NOMO1: variants seen among roughly 807,000 people sequenced by gnomAD.
NOMO1 encodes nodal modulator 3.
Under a neutral mutation model 133.8 loss-of-function variants are expected in NOMO1, and 40 were observed. The observed-to-expected ratio is 0.30, with a 90% CI of 0.23 to 0.39. The LOEUF (loss-of-function observed/expected upper bound fraction) is 0.39, where lower values mean the gene tolerates loss of function less well. NOMO1 is among the 10% of genes least tolerant of loss of function. NOMO1 has a pLI of 1.00. For missense variants in NOMO1, 462 were observed against 1,419.9 expected (o/e 0.33, Z 10.84); for synonymous variants, 236 against 570.5 (o/e 0.41, Z 8.36).
chr16:14,874,068 G>C (rs561549674), intron 18 of NOMO1, among the ~76,000 whole-genome samples: 69 of 34,928 alleles, frequency 2.0e-3, no homozygotes, highest in Admixed American at 6.2e-3. Context: ...TCCCAGCTGG[G>C]CTTCGCTTCT....
intron 12 of NOMO1, among the ~76,000 whole-genome samples, 181 bp from the exon 13 acceptor site, chr16:14,864,404 T>C (rs543359272): frequency 0.018 from 2,685 of 151,654 alleles, 93 homozygotes; most frequent in African/African-American, 0.062. Flanking sequence ...TGGGTAGAAC[T>C]GTGCTTACTT....
chr16:14,866,021 G>C (rs1157276216), intron 14 of NOMO1, among the ~76,000 whole-genome samples: 1 of 142,270 alleles, frequency 7.0e-6, no homozygotes, highest in African/African-American at 2.7e-5. Context: ...GGCCCCATTA[G>C]ATTTCTTTCT....
At chr16:14,892,802 C>T (rs1163696444) in intron 29 of NOMO1, among the ~76,000 whole-genome samples, 1 of 149,810 alleles carries the variant, frequency 6.7e-6, no homozygotes, top group Non-Finnish European at 1.5e-5. Flanking sequence ...GAGTCACTTA[C>T]TGAGTGTTAG....
intron 15 of NOMO1, among the ~76,000 whole-genome samples, chr16:14,868,010 C>A (rs1195602741): frequency 8.7e-4 from 83 of 95,660 alleles, no homozygotes; most frequent in Non-Finnish European, 1.6e-3. Context: ...AGCTCACTCC[C>A]TCCTCGGGGC....
rs560312223 is a variant in NOMO1 at position 14,884,757 on chromosome 16, G to A, written c.3222+275G>A. ...AATCTTCCAAAGAATTATAGTAGAAGCCTGATCAATGATCAATACAATATG... is the reference window on the plus strand; with the variant it reads ...AATCTTCCAAAGAATTATAGTAGAAACCTGATCAATGATCAATACAATATG... On this transcript the variant is annotated intron_variant, in intron 27 of 30. Coordinates refer to ENST00000287667, the MANE Select transcript of NOMO1 (RefSeq NM_014287.4). Among the ~76,000 whole-genome samples the A allele has an allele frequency of 7.9e-4, 120 of 152,078 alleles. 2 individuals are homozygous for A. The highest frequency in any genetic ancestry group is 4.5e-3 in the Admixed American group (68 of 15,276).
intron 8 of NOMO1, 70 bp from the exon 9 acceptor site, chr16:14,853,867 A>G (rs1963796365): frequency 6.4e-7 from 1 of 1,571,864 alleles, no homozygotes; most frequent in Non-Finnish European, 8.7e-7. Flanking sequence ...GTGGGCTGCT[A>G]GATCGATTAT....
rs556654908 is a variant in NOMO1, at chr16:14,883,521, G to A, written c.3111+844G>A. Among the ~76,000 whole-genome samples, 11 of 151,662 alleles carry A rather than the reference G, an allele frequency of 7.3e-5. 1 individual carries two copies. The South Asian group carries it at 2.1e-3, about 29-fold the overall frequency. On this transcript the variant is annotated intron_variant, in intron 26 of 30. Coordinates refer to ENST00000287667, the MANE Select transcript of NOMO1 (RefSeq NM_014287.4). ...TAATTTTTGTATTTTTAGTAGAGAC[G>A]GGGTTTCACCATGTTGGCCAGATTG...
intron 16 of NOMO1, among the ~76,000 whole-genome samples, chr16:14,870,334 AT>A (rs1454133361): frequency 2.0e-5 from 3 of 151,092 alleles, no homozygotes; most frequent in African/African-American, 7.3e-5. Context: ...TAGAAAACTT[AT>A]GTTTAAAGGA....
intron 14 of NOMO1, among the ~76,000 whole-genome samples, chr16:14,866,249 G>A (rs543778279): frequency 2.7e-5 from 4 of 149,222 alleles, no homozygotes; most frequent in African/African-American, 1.0e-4. Flanking sequence ...TAGTAGAGAT[G>A]GGGTTTTGCT....
chr16:14,849,896 C>CTTTTTTTTTT (rs1171906105), intron 6 of NOMO1, among the ~76,000 whole-genome samples: 38 of 87,908 alleles, frequency 4.3e-4, no homozygotes, highest in African/African-American at 1.7e-3. Flanking sequence ...CAGATACAGT[C>CTTTTTTTTTT]TTTTTTTTTT....
intron 3 of NOMO1, among the ~76,000 whole-genome samples, chr16:14,843,199 A>C (rs1963631791): frequency 7.2e-6 from 1 of 139,078 alleles, no homozygotes; most frequent in Non-Finnish European, 1.5e-5. Flanking sequence ...GATTATAGGC[A>C]AGAGCCACCA....
At chr16:14,879,137 A>G (rs1964206253) in intron 23 of NOMO1, among the ~76,000 whole-genome samples, 1 of 151,948 alleles carries the variant, frequency 6.6e-6, no homozygotes, top group African/African-American at 2.4e-5. Flanking sequence ...TTGCCACGGA[A>G]TCATGCTTAT....
At chr16:14,836,324 A>G (rs1963508064) in intron 1 of NOMO1, among the ~76,000 whole-genome samples, 1 of 152,060 alleles carries the variant, frequency 6.6e-6, no homozygotes, top group African/African-American at 2.4e-5. Context: ...CTGACCTCAG[A>G]GAACTTTACA....
At chr16:14,885,556 G>C (rs1323356695) in intron 27 of NOMO1, among the ~76,000 whole-genome samples, 2 of 151,938 alleles carry the variant, frequency 1.3e-5, no homozygotes, top group East Asian at 3.9e-4. Flanking sequence ...TTTGGCATGG[G>C]TGAGAAAGTG....
chr16:14,857,555 A>T lies in NOMO1; in HGVS notation c.1120A>T (p.Thr374Ser). Residue 374 changes from threonine to serine, a missense_variant, in exon 11 of 31, where the codon ACA (threonine) becomes TCA (serine). Transcript: ENST00000287667. Reference sequence around the variant, plus strand: ...CCGCCTTGAGAACATAACCACAGGGACATACACCATCCATGCTCAGAAAGA... The same window carrying T: ...CCGCCTTGAGAACATAACCACAGGGTCATACACCATCCATGCTCAGAAAGA... ...SFRLENITTG[T>S]YTIHAQKEHL... The T allele has an allele frequency of 6.2e-7, 1 of 1,611,410 alleles. No individual in the cohort carries two copies. Among genetic ancestry groups the T allele is most frequent in the Non-Finnish European group, 8.5e-7 (1 of 1,178,878 alleles).
Position 14,871,633 on chromosome 16 carries a change from T to TGACC in NOMO1, c.1908_1911dup (p.Pro638AspfsTer9). 3.1e-6 allele frequency: 5 copies of TGACC among 1,610,720 alleles called. No homozygotes were observed. The Admixed American group carries it at 8.4e-5, about 27-fold the overall frequency. ...TTCCTGTCTGTAGGTGTGTACAAAGTGACCCCTCGCTCCTGCCACCGGTTT... is the reference window on the plus strand; with the variant it reads ...TTCCTGTCTGTAGGTGTGTACAAAGTGACCGACCCCTCGCTCCTGCCACCGGTTT... On this transcript the variant is annotated frameshift_variant, in exon 17 of 31. Coordinates refer to ENST00000287667, the MANE Select transcript of NOMO1 (RefSeq NM_014287.4). LOFTEE classifies it high-confidence loss of function.
intron 5 of NOMO1, 114 bp downstream of exon 5, chr16:14,846,797 C>G (rs1963688868): frequency 1.3e-6 from 2 of 1,596,212 alleles, no homozygotes; most frequent in Non-Finnish European, 1.7e-6. Flanking sequence ...CCTGATTCAG[C>G]CTCTTTGGGT....
At chr16:14,886,217 G>C (rs1176839099) in intron 27 of NOMO1, among the ~76,000 whole-genome samples, 1 of 150,352 alleles carries the variant, frequency 6.7e-6, no homozygotes, top group South Asian at 2.1e-4. Flanking sequence ...GATGGAATGC[G>C]TTTTGAGTTT....
At chr16:14,877,720 G>A (rs1277279893) in intron 22 of NOMO1, among the ~76,000 whole-genome samples, 1 of 149,260 alleles carries the variant, frequency 6.7e-6, no homozygotes, top group African/African-American at 2.5e-5. Context: ...ACACTGTTTT[G>A]CAGGGATTAG....
Sources: allele counts gnomAD v4.1 joint callset (sites outside exome capture counted in the v4.1 genomes callset), GRCh38; gene constraint gnomAD v4.1.1; transcripts MANE v1.5; gene names NCBI Gene and HGNC (gene_info 2026-07-23, HGNC 2026-07-21).